The following ACTA2 variants were observed in gnomAD, a reference collection of about 807,000 sequenced individuals.
The protein encoded by ACTA2 is actin alpha 2, smooth muscle, also known as actin, aortic smooth muscle.
In ACTA2, 12 loss-of-function variants were observed where a neutral mutation model predicts 39.5. That is an observed-to-expected ratio of 0.30 (90% CI 0.19 to 0.49). The LOEUF is 0.49. ACTA2 is among the 20% of genes least tolerant of loss of function. ACTA2 has a pLI of 0.99. For synonymous variants in ACTA2, 158 were observed against 180.6 expected, an observed-to-expected ratio of 0.88 and a Z score of 1.00; for missense variants, 236 against 498.8, an observed-to-expected ratio of 0.47 and a Z score of 5.02.
intron 1 of ACTA2, among the ~76,000 whole-genome samples, chr10:88,975,645 T>TC (rs1477074222): frequency 6.6e-6 from 1 of 152,080 alleles, no homozygotes; most frequent in African/African-American, 2.4e-5. Flanking sequence ...GAGTAGGATT[T>TC]TTTTTTTTCA....
At chr10:88,982,409 A>T (rs965835474) in intron 1 of ACTA2, among the ~76,000 whole-genome samples, 1 of 152,156 alleles carries the variant, frequency 6.6e-6, no homozygotes, top group South Asian at 2.1e-4. Flanking sequence ...GATCTCACCG[A>T]GCTTAAATGT....
chr10:88,954,998 A>G (rs569437974), upstream of ACTA2, among the ~76,000 whole-genome samples: 10 of 151,336 alleles, frequency 6.6e-5, no homozygotes, highest in Non-Finnish European at 1.2e-4. Context: ...GAACAATTAG[A>G]AAAACAGTAG....
chr10:88,989,831 T>C (rs542122403), intron 1 of ACTA2, among the ~76,000 whole-genome samples: 2 of 152,284 alleles, frequency 1.3e-5, no homozygotes, highest in African/African-American at 4.8e-5. Flanking sequence ...CTGAAACCTT[T>C]AGTGTGTCCA....
chr10:88,941,635 T>C lies in ACTA2; in HGVS notation c.454+150A>G, dbSNP rs1845854554. On this transcript the variant is annotated intron_variant, in intron 5 of 8. Coordinates refer to ENST00000224784, the MANE Select transcript of ACTA2 (RefSeq NM_001613.4). ...AGAAATATGAGATCAAGGGCTTATT[T>C]TGAACACTAGAAGAAGATCTTTTAG... The C allele has an allele frequency of 3.5e-6, 3 of 846,322 alleles. No individual in the cohort carries two copies. The Admixed American group carries it at 6.2e-5, about 17-fold the overall frequency. 52.4% of individuals were successfully genotyped at this position (846,322 alleles called of 1,614,324 possible).
rs988630652 is a variant in ACTA2, at chr10:88,941,529, G to A, written c.455-139C>T. 7.1e-6 allele frequency: 8 copies of A among 1,131,234 alleles called. No homozygotes were observed. The African/African-American group carries it at 9.2e-5, about 13-fold the overall frequency. The allele number at this position is 1,131,234 out of a possible 1,614,324, so 70.1% of individuals were successfully genotyped here. Reference sequence around the variant, plus strand: ...AGAGAAAACAGGGCATGTGATAGGAGAGGTGAGGTGGGACAGGGCTCGGGG... The same window carrying A: ...AGAGAAAACAGGGCATGTGATAGGAAAGGTGAGGTGGGACAGGGCTCGGGG... On this transcript the variant is annotated intron_variant, in intron 5 of 8. Transcript: ENST00000224784.
At chr10:88,977,005 A>G (rs562577166) in intron 1 of ACTA2, among the ~76,000 whole-genome samples, 1 of 152,338 alleles carries the variant, frequency 6.6e-6, no homozygotes, top group Non-Finnish European at 1.5e-5. Context: ...ATGCCTACAT[A>G]TCCCAAAGGA....
intron 1 of ACTA2, among the ~76,000 whole-genome samples, chr10:88,962,192 A>G (rs1846236337): frequency 6.6e-6 from 1 of 152,202 alleles, no homozygotes; most frequent in Non-Finnish European, 1.5e-5. Flanking sequence ...ATGAGAAGGT[A>G]GAAATTGTAA....
chr10:88,941,245 A>G lies in ACTA2; in HGVS notation c.600T>C (p.Tyr200=). ...AGGCCTCACCAGTAGTAACGAAGGAATAGCCACGCTCAGTCAGGATCTTCA... is the reference window on the plus strand; with the variant it reads ...AGGCCTCACCAGTAGTAACGAAGGAGTAGCCACGCTCAGTCAGGATCTTCA... ...YLMKILTERG[Y]SFVTTAEREI... The change falls in exon 6 of 9, where the codon TAT becomes TAC. Residue 200 remains tyrosine, a synonymous_variant. Transcript: ENST00000224784. The G allele has an allele frequency of 1.2e-6, 2 of 1,613,954 alleles. No individual in the cohort carries two copies. Among genetic ancestry groups the G allele is most frequent in the Admixed American group, 1.7e-5 (1 of 60,018 alleles).
chr10:88,971,291 A>C (rs151249912), intron 1 of ACTA2, among the ~76,000 whole-genome samples: 1 of 152,244 alleles, frequency 6.6e-6, no homozygotes, highest in Non-Finnish European at 1.5e-5. Flanking sequence ...ATCCTCAAAG[A>C]GTTAACTTGA....
At chr10:88,943,637 C>A in intron 4 of ACTA2, 160 bp downstream of exon 4, 1 of 712,250 alleles carries the variant, frequency 1.4e-6, no homozygotes, top group East Asian at 2.7e-5. Flanking sequence ...CAAGTACTTT[C>A]AAGCTGTTCC....
intron 1 of ACTA2, among the ~76,000 whole-genome samples, chr10:88,961,376 G>A (rs1846223812): frequency 6.6e-6 from 1 of 152,192 alleles, no homozygotes; most frequent in African/African-American, 2.4e-5. Flanking sequence ...AATGTGAAGA[G>A]ACTTTTAAGT....
intron 1 of ACTA2, among the ~76,000 whole-genome samples, chr10:88,950,823 T>G (rs1308366058): frequency 6.6e-6 from 1 of 152,224 alleles, no homozygotes; most frequent in Non-Finnish European, 1.5e-5. Context: ...CATGGAGTTC[T>G]TATAGAGATT....
In ACTA2 at chr10:88,935,312, C is replaced by A; in HGVS notation, c.1045G>T (p.Ala349Ser). 6.2e-7 allele frequency: 1 copy of A among 1,613,922 alleles called. No individual in the cohort carries two copies. The highest frequency in any genetic ancestry group is 8.5e-7 in the Non-Finnish European group (1 of 1,179,872). ...ATCTGCTGGAAGGTGGACAGAGAGG[C>A]CAGGATGGAGCCACCGATCCAGACA... ...YSVWIGGSILASLSTFQQMWI... is the reference protein window; with the variant it reads ...YSVWIGGSILSSLSTFQQMWI... Residue 349 changes from alanine (A) to serine (S), a missense_variant, in exon 9 of 9, where the codon GCC becomes TCC. Ala to Ser is a moderately conservative substitution (Grantham distance 99). Transcript: ENST00000224784.
In ACTA2 at chr10:88,941,888, A is replaced by T; in HGVS notation, c.370-19T>A. On this transcript the variant is annotated intron_variant, in intron 4 of 8. Coordinates refer to ENST00000224784, the MANE Select transcript of ACTA2 (RefSeq NM_001613.4). Reference sequence around the variant, plus strand: ...ACATAATCTGCAAAGCAATCCAAAGAGCTGAGTTAGTGAAGGTGCCCATCT... The same window carrying T: ...ACATAATCTGCAAAGCAATCCAAAGTGCTGAGTTAGTGAAGGTGCCCATCT... The T allele has an allele frequency of 6.2e-7, 1 of 1,601,510 alleles. No homozygotes were observed. Among genetic ancestry groups the T allele is most frequent in the South Asian group, 1.1e-5 (1 of 89,398 alleles).
At chr10:88,966,416 C>T (rs1589411966) in intron 1 of ACTA2, among the ~76,000 whole-genome samples, 1 of 152,114 alleles carries the variant, frequency 6.6e-6, no homozygotes, top group East Asian at 1.9e-4. Flanking sequence ...TCACTAAGCC[C>T]TTTGGCCCTC....
At chr10:88,942,052 G>A (rs1389879700) in intron 4 of ACTA2, among the ~76,000 whole-genome samples, 183 bp from the exon 5 acceptor site, 1 of 152,122 alleles carries the variant, frequency 6.6e-6, no homozygotes, top group Non-Finnish European at 1.5e-5. Flanking sequence ...TGTGAATGGG[G>A]AGCCATCACA....
rs1175334892 is a variant in ACTA2, at chr10:88,986,646, T to C, written c.-24+4293A>G. The stretch of plus-strand genomic sequence containing the variant: ...TGGAAGTAGTACAGAAAGGAAGTAG[T>C]ACAGAAAGGAAGTAATACAGGAAGG... On this transcript the variant is annotated intron_variant, in intron 1 of 4. Transcript: ENST00000415557. Among the ~76,000 whole-genome samples the C allele has an allele frequency of 7.9e-5, 12 of 151,584 alleles. 1 individual carries two copies. The highest frequency in any genetic ancestry group is 7.9e-4 in the Admixed American group (12 of 15,198).
At chr10:88,976,928 C>T (rs1042414444) in intron 1 of ACTA2, among the ~76,000 whole-genome samples, 3 of 152,170 alleles carry the variant, frequency 2.0e-5, no homozygotes, top group Admixed American at 6.5e-5. Flanking sequence ...TGCTTGAGAT[C>T]CTTATATCTG....
chr10:88,938,123 C>CAGG lies in ACTA2; in HGVS notation c.925_927dup (p.Pro309dup). 1 of 1,614,074 alleles carries CAGG rather than the reference C, an allele frequency of 6.2e-7. No individual in the cohort carries two copies. Among genetic ancestry groups the CAGG allele is most frequent in the South Asian group, 1.1e-5 (1 of 91,086 alleles). ...TCCTTCTGCATTCGGTCGGCAATGC[C>CAGG]AGGGTACATAGTGGTGCCCCCTGAT... On this transcript the variant is annotated inframe_insertion, in exon 8 of 9. Coordinates refer to ENST00000224784, the MANE Select transcript of ACTA2 (RefSeq NM_001613.4).
Sources: gnomAD v4.1 joint callset for allele counts (sites outside exome capture counted in the v4.1 genomes callset) on GRCh38, gnomAD v4.1.1 for gene constraint, MANE v1.5 for transcripts, NCBI Gene and HGNC (gene_info 2026-07-23, HGNC 2026-07-21) for gene names.